The following CHN1 variants were observed in gnomAD, a reference collection of about 807,000 sequenced individuals.
CHN1 encodes N-chimaerin.
CHN1 carries 37 observed loss-of-function variants against 59.5 expected under a neutral mutation model. The ratio of observed to expected loss-of-function variants is 0.62; its 90% CI spans 0.48 to 0.82. CHN1 has a LOEUF of 0.82. Among genes scored for constraint, CHN1 ranks in the 40% least tolerant of loss-of-function variants. The pLI is 0.00. For synonymous variants in CHN1, 206 were observed against 200.4 expected, an observed-to-expected ratio of 1.03 and a Z score of -0.24; for missense variants, 469 against 571.0, an observed-to-expected ratio of 0.82 and a Z score of 1.82.
chr2:174,895,228 A>G (rs1688184453), intron 5 of CHN1, among the ~76,000 whole-genome samples: 1 of 151,642 alleles, frequency 6.6e-6, no homozygotes, highest in Non-Finnish European at 1.5e-5. Flanking sequence ...ACACACACAC[A>G]CACACACACA....
In CHN1 at chr2:174,814,728, C is replaced by T. The variant is rs1166734612; in HGVS notation, c.713-2246G>A. 2.6e-5 allele frequency among the ~76,000 whole-genome samples: 4 copies of T among 152,142 alleles called. No individual in the cohort carries two copies. In the South Asian group the frequency reaches 6.2e-4, roughly 24 times the overall value. On this transcript the variant is annotated intron_variant, in intron 8 of 12. Coordinates refer to ENST00000409900, the MANE Select transcript of CHN1 (RefSeq NM_001822.7). ...GAAAGGCCTTTTCTATGTCGTACCT[C>T]AAGGTTGTCAATCAGCTTAAGGTCA...
chr2:174,912,399 T>C (rs1250790973), intron 5 of CHN1, among the ~76,000 whole-genome samples: 1 of 152,182 alleles, frequency 6.6e-6, no homozygotes, highest in East Asian at 1.9e-4. Flanking sequence ...GACTGAATAA[T>C]AATGTGACCA....
rs988718563 is a variant in CHN1, at chr2:174,983,709, T to A, written c.19+21185A>T. ...TGGGCTTGGTGGCATGCGCCTGTAG[T>A]CCCAGCTGCTCGGGAGGCTGAAGCA... On this transcript the variant is annotated intron_variant, in intron 1 of 12. Transcript: ENST00000409900. Among the ~76,000 whole-genome samples, 3 of 152,076 alleles carry A rather than the reference T, an allele frequency of 2.0e-5. No individual in the cohort carries two copies. In the South Asian group the frequency reaches 6.2e-4, roughly 32 times the overall value.
intron 7 of CHN1, among the ~76,000 whole-genome samples, chr2:174,836,708 C>T (rs1180942907): frequency 1.3e-5 from 2 of 152,172 alleles, no homozygotes; most frequent in Non-Finnish European, 2.9e-5. Flanking sequence ...CCATGTGAAT[C>T]GTATAGAGCT....
chr2:174,846,333 C>T, intron 7 of CHN1: 1 of 1,549,126 alleles, frequency 6.5e-7, no homozygotes, highest in South Asian at 1.2e-5. Flanking sequence ...AGCAAATACT[C>T]AAAAAGTGAG....
At chr2:174,859,278 T>C (rs1026146379) in intron 6 of CHN1, among the ~76,000 whole-genome samples, 1 of 152,084 alleles carries the variant, frequency 6.6e-6, no homozygotes, top group African/African-American at 2.4e-5. Context: ...AAACTAACGC[T>C]CTAGGAAGAT....
At chr2:174,854,444 C>G (rs1686837285) in intron 6 of CHN1, among the ~76,000 whole-genome samples, 4 of 152,014 alleles carry the variant, frequency 2.6e-5, no homozygotes, top group African/African-American at 4.8e-5. Flanking sequence ...ATCTTACTAC[C>G]CTGTCATTTT....
Position 174,799,662 on chromosome 2 carries a change from C to T in CHN1, c.*454G>A, listed in dbSNP as rs1480414643. The T allele has an allele frequency of 7.5e-6, 4 of 532,638 alleles. No homozygotes were observed. Among genetic ancestry groups the T allele is most frequent in the African/African-American group, 3.7e-5 (2 of 53,728 alleles). 33.0% of individuals were successfully genotyped at this position (532,638 alleles called of 1,614,324 possible). Reference sequence around the variant, plus strand: ...GATATGGTTTATGGTAATGTAACAGCCAGAGGTGCTGTTTTATCCATTTGT... The same window carrying T: ...GATATGGTTTATGGTAATGTAACAGTCAGAGGTGCTGTTTTATCCATTTGT... On this transcript the variant is annotated 3_prime_UTR_variant, in exon 13 of 13. Transcript: ENST00000409900.
At chr2:174,875,769 C>T (rs1687547182) in intron 6 of CHN1, 1 of 971,080 alleles carries the variant, frequency 1.0e-6, no homozygotes, top group Non-Finnish European at 1.2e-6. Context: ...ATCAATTAAA[C>T]ATGATTGTCT....
chr2:174,915,067 A>G lies in CHN1; in HGVS notation c.251T>C (p.Leu84Ser). The G allele has an allele frequency of 6.2e-7, 1 of 1,609,178 alleles. No homozygotes were observed. Among genetic ancestry groups the G allele is most frequent in the Non-Finnish European group, 8.5e-7 (1 of 1,177,338 alleles). The change falls in exon 5 of 13, where the codon TTG becomes TCG. Residue 84 changes from leucine (L) to serine (S), a missense_variant. By Grantham distance (145) the Leu-to-Ser change is moderately radical (BLOSUM62 -2). This residue lies in a region of CHN1 where 152 missense variants were observed against 166.1 expected (regional missense o/e 0.92). Transcript: ENST00000409900. The stretch of plus-strand genomic sequence containing the variant: ...CAGGCCCATGACCAACCTTAAAGCC[A>G]AAGTGTAGGTCCCTGGCTGCCGCTG... ...ESQRQPGTYT[L>S]ALRFGSQTRN...
At chr2:174,966,395 C>G (rs1172879719) in intron 1 of CHN1, among the ~76,000 whole-genome samples, 1 of 151,646 alleles carries the variant, frequency 6.6e-6, no homozygotes, top group Non-Finnish European at 1.5e-5. Context: ...TTAACTTCAT[C>G]AAAGATCACA....
intron 8 of CHN1, 93 bp from the exon 9 acceptor site, chr2:174,812,575 T>G (rs1685113649): frequency 8.5e-7 from 1 of 1,182,608 alleles, no homozygotes; most frequent in Non-Finnish European, 1.2e-6. Flanking sequence ...CACTCCAGCT[T>G]GAATTAGGTT....
intron 6 of CHN1, among the ~76,000 whole-genome samples, chr2:174,850,107 A>G (rs372432315): frequency 3.9e-5 from 6 of 152,170 alleles, no homozygotes; most frequent in Non-Finnish European, 7.4e-5. Context: ...ACCCCCTCCT[A>G]CGTGATGGCT....
At chr2:174,931,351 A>G (rs1689343563) in intron 3 of CHN1, among the ~76,000 whole-genome samples, 2 of 152,220 alleles carry the variant, frequency 1.3e-5, no homozygotes, top group South Asian at 2.1e-4. Context: ...GTGTGAGCAC[A>G]TAGTGCAAGC....
intron 3 of CHN1, among the ~76,000 whole-genome samples, chr2:174,942,547 A>T (rs952523264): frequency 6.6e-6 from 1 of 152,136 alleles, no homozygotes; most frequent in Admixed American, 6.6e-5. Flanking sequence ...TGGTTAATAG[A>T]TATAAAATTA....
intron 1 of CHN1, among the ~76,000 whole-genome samples, chr2:174,961,587 G>A (rs917921245): frequency 6.0e-5 from 9 of 150,480 alleles, no homozygotes; most frequent in East Asian, 3.9e-4. Context: ...GTGAAACTCC[G>A]TCTCAAAAAT....
intron 1 of CHN1, among the ~76,000 whole-genome samples, chr2:174,960,445 T>C (rs1690361271): frequency 6.6e-6 from 1 of 152,256 alleles, no homozygotes; most frequent in African/African-American, 2.4e-5. Flanking sequence ...TTATCTTAAA[T>C]ATTTTAAATC....
chr2:174,942,708 C>T (rs1689701521), intron 3 of CHN1, among the ~76,000 whole-genome samples: 1 of 152,134 alleles, frequency 6.6e-6, no homozygotes, highest in South Asian at 2.1e-4. Context: ...CTCTGTACTA[C>T]ACAAATATGC....
intron 1 of CHN1, among the ~76,000 whole-genome samples, chr2:174,953,636 G>C (rs977148475): frequency 6.6e-6 from 1 of 152,042 alleles, no homozygotes; most frequent in African/African-American, 2.4e-5. Flanking sequence ...TGACCAAGCT[G>C]AGAATCAAGT....
Sources: gnomAD v4.1 joint callset for allele counts (sites outside exome capture counted in the v4.1 genomes callset) on GRCh38, gnomAD v4.1.1 for gene constraint, gnomAD v4.1.1 regional missense constraint, MANE v1.5 for transcripts, NCBI Gene and HGNC (gene_info 2026-07-23, HGNC 2026-07-21) for gene names.